The following PHACTR1 variants were observed in gnomAD, a reference collection of about 807,000 sequenced individuals.
PHACTR1 encodes the protein RPEL repeat containing 1.
Under a neutral mutation model 69.2 loss-of-function variants are expected in PHACTR1, and 16 were observed. That is an observed-to-expected ratio of 0.23 (90% CI 0.16 to 0.35). The LOEUF (loss-of-function observed/expected upper bound fraction) is 0.35. Ranked by LOEUF, PHACTR1 falls within the 10% of genes least tolerant of loss-of-function variation. The probability of loss-of-function intolerance (pLI) is 1.00; values close to 1 mark genes in which losing one functional copy is unlikely to be tolerated. For missense variants in PHACTR1, 510 were observed against 734.7 expected (o/e 0.69, Z 3.54); for synonymous variants, 312 against 284.5 (o/e 1.10, Z -0.97).
chr6:13,034,040 C>T (rs1334813333), intron 4 of PHACTR1, among the ~76,000 whole-genome samples: 2 of 149,454 alleles, frequency 1.3e-5, no homozygotes, highest in African/African-American at 4.9e-5. Context: ...TTTTTTGAGA[C>T]GGAATCTCGC....
intron 10 of PHACTR1, chr6:13,252,985 GA>G (rs1400622370): frequency 4.2e-5 from 19 of 451,850 alleles, no homozygotes; most frequent in African/African-American, 2.4e-4. Flanking sequence ...ATCTGAACTT[GA>G]GTTGTTATTG....
At chr6:12,723,488 C>CTTT (rs1180252640) in intron 3 of PHACTR1, among the ~76,000 whole-genome samples, 7 of 128,162 alleles carry the variant, frequency 5.5e-5, no homozygotes, top group South Asian at 2.6e-4. Flanking sequence ...TTGGCCTTTT[C>CTTT]TTTTTTTTTT....
At chr6:13,194,450 C>T (rs954809133) in intron 7 of PHACTR1, among the ~76,000 whole-genome samples, 12 of 150,458 alleles carry the variant, frequency 8.0e-5, no homozygotes, top group Admixed American at 4.6e-4. Flanking sequence ...GAGCAGTTCT[C>T]TGGCAATGAA....
chr6:12,788,281 C>T (rs2127656353), intron 4 of PHACTR1, among the ~76,000 whole-genome samples: 1 of 152,152 alleles, frequency 6.6e-6, no homozygotes, highest in East Asian at 1.9e-4. Flanking sequence ...CAATTTCTAC[C>T]ACTTAGCGAG....
intron 4 of PHACTR1, among the ~76,000 whole-genome samples, chr6:12,951,681 G>C (rs932877368): frequency 6.6e-6 from 1 of 152,168 alleles, no homozygotes; most frequent in African/African-American, 2.4e-5. Context: ...TCAGAAATCA[G>C]CTTCTCCTTT....
At position 12,939,163 on chromosome 6, in the gene PHACTR1, T is replaced by G. The variant is rs549791124; in HGVS notation, c.251-114202T>G. On this transcript the variant is annotated intron_variant, in intron 4 of 14. Transcript: ENST00000332995. ...AGAACTGAGACTGCTGGATTCCAGA[T>G]GCTGTCCCCTAGTCTAAGAATAATG... 4.4e-3 allele frequency among the ~76,000 whole-genome samples: 668 copies of G among 152,308 alleles called. 5 individuals carry two copies. The highest frequency in any genetic ancestry group is 0.015 in the African/African-American group (626 of 41,562).
chr6:12,972,726 A>G (rs1794382451), intron 4 of PHACTR1, among the ~76,000 whole-genome samples: 1 of 148,276 alleles, frequency 6.7e-6, no homozygotes, highest in East Asian at 2.0e-4. Flanking sequence ...ATCTCGGCTC[A>G]CTGCAACCTC....
chr6:13,169,823 G>A (rs191785504), intron 6 of PHACTR1, among the ~76,000 whole-genome samples: 18 of 152,320 alleles, frequency 1.2e-4, no homozygotes, highest in South Asian at 4.1e-4. Context: ...TAATAAAAAG[G>A]TTAAAGAGAC....
intron 4 of PHACTR1, among the ~76,000 whole-genome samples, chr6:13,051,391 T>C (rs1261628576): frequency 6.6e-6 from 1 of 152,200 alleles, no homozygotes; most frequent in Non-Finnish European, 1.5e-5. Flanking sequence ...AAATTTTCCT[T>C]GTCCCTCTGC....
At chr6:12,843,875 G>T (rs1778938148) in intron 4 of PHACTR1, among the ~76,000 whole-genome samples, 1 of 152,126 alleles carries the variant, frequency 6.6e-6, no homozygotes, top group Admixed American at 6.5e-5. Context: ...GTTTTAGCTG[G>T]TCATAAAAGT....
rs1778086098 is a variant in PHACTR1, at chr6:13,272,984, CACAAGGTTTCTACCTTGCGCCTCTGCGGA to C, written c.1447+71_1447+99del. 9 of 1,591,140 alleles carry C rather than the reference CACAAGGTTTCTACCTTGCGCCTCTGCGGA, an allele frequency of 5.7e-6. No individual in the cohort carries two copies. In the South Asian group the frequency reaches 7.8e-5, roughly 14 times the overall value. ...CTTTTGTTATTATTTAATGGTAGGC[CACAAGGTTTCTACCTTGCGCCTCTGCGGA>C]AAGCATTGAAAACCTTTCTAACGGT... is the stretch of plus-strand genomic sequence containing the variant. On this transcript the variant is annotated intron_variant, in intron 11 of 14. Transcript: ENST00000332995.
intron 3 of PHACTR1, among the ~76,000 whole-genome samples, chr6:12,725,496 T>C (rs1012433793): frequency 1.3e-5 from 2 of 152,324 alleles, no homozygotes; most frequent in African/African-American, 4.8e-5. Flanking sequence ...ACTACAGCCA[T>C]TGTCATCATC....
chr6:13,076,153 G>A (rs1340117632), intron 5 of PHACTR1, among the ~76,000 whole-genome samples: 1 of 151,176 alleles, frequency 6.6e-6, no homozygotes, highest in African/African-American at 2.4e-5. Context: ...CTTAATGCCA[G>A]GTACAAAAAA....
chr6:13,032,085 A>C (rs1446815754), intron 4 of PHACTR1, among the ~76,000 whole-genome samples: 2 of 152,238 alleles, frequency 1.3e-5, no homozygotes, highest in Non-Finnish European at 2.9e-5. Context: ...CTAGAATATA[A>C]TATGTTACCT....
At chr6:13,212,281 T>G (rs59566077) in intron 8 of PHACTR1, among the ~76,000 whole-genome samples, 21,684 of 152,132 alleles carry the variant, frequency 0.14, 2,287 homozygotes, top group African/African-American at 0.27. Context: ...CTTAACAATG[T>G]CTGTGCCCAA....
chr6:12,760,006 G>T (rs1561857247), intron 4 of PHACTR1, among the ~76,000 whole-genome samples: 9 of 152,198 alleles, frequency 5.9e-5, no homozygotes, highest in Admixed American at 5.2e-4. Context: ...TTACAGAGTT[G>T]TTCTAAAGAG....
chr6:12,727,248 C>G (rs540983485), intron 3 of PHACTR1, among the ~76,000 whole-genome samples: 2 of 152,116 alleles, frequency 1.3e-5, no homozygotes, highest in Non-Finnish European at 1.5e-5. Flanking sequence ...GAAGGCAGAT[C>G]GAGAGAAAAA....
chr6:12,830,141 G>GA (rs1228355747), intron 4 of PHACTR1, among the ~76,000 whole-genome samples: 1 of 96,162 alleles, frequency 1.0e-5, no homozygotes, highest in Non-Finnish European at 2.5e-5. Flanking sequence ...AAGAAAGAAA[G>GA]AAAGAAAGAA....
chr6:13,056,077 A>G (rs915768472), intron 5 of PHACTR1, among the ~76,000 whole-genome samples: 4 of 152,200 alleles, frequency 2.6e-5, no homozygotes, highest in African/African-American at 9.7e-5. Flanking sequence ...ATCATGATAG[A>G]TGGATGGGTG....
Sources: gnomAD v4.1 joint callset for allele counts (sites outside exome capture counted in the v4.1 genomes callset) on GRCh38, gnomAD v4.1.1 for gene constraint, MANE v1.5 for transcripts, NCBI Gene and HGNC (gene_info 2026-07-23, HGNC 2026-07-21) for gene names.